The following AP2A1 variants were observed in gnomAD, a reference collection of about 807,000 sequenced individuals.
AP2A1 encodes the protein AP-2 complex subunit alpha-1.
A neutral mutation model predicts 107.3 loss-of-function variants in AP2A1; 21 were observed. That is an observed-to-expected ratio of 0.20 (90% CI 0.14 to 0.28). The LOEUF is 0.28. AP2A1 is among the 10% of genes least tolerant of loss of function. AP2A1 has a pLI of 1.00. For synonymous variants in AP2A1, 602 were observed against 564.8 expected (o/e 1.07, Z -0.93); for missense variants, 873 against 1,307.7 (o/e 0.67, Z 5.13).
chr19:49,794,648 GA>G lies in AP2A1; in HGVS notation c.706-975del, dbSNP rs1398291226. ...AGGTTGAATAGGAGTTTGCAATGAG[GA>G]AAAAAAGTCACATGATCTTTCTTTT... is the stretch of plus-strand genomic sequence containing the variant. On this transcript the variant is annotated intron_variant, in intron 6 of 22. Transcript: ENST00000354293. Among the ~76,000 whole-genome samples the G allele has an allele frequency of 9.9e-5, 15 of 151,850 alleles. No homozygotes were observed. In the South Asian group the frequency reaches 1.5e-3, roughly 15 times the overall value.
intron 1 of AP2A1, among the ~76,000 whole-genome samples, chr19:49,772,070 T>A (rs2084564511): frequency 6.6e-6 from 1 of 151,768 alleles, no homozygotes; most frequent in Admixed American, 6.6e-5. Context: ...TCTCTCTTTC[T>A]TTTTTTTGAC....
At chr19:49,803,598 A>T in intron 18 of AP2A1, 9 of 565,640 alleles carry the variant, frequency 1.6e-5, no homozygotes, top group Admixed American at 9.1e-5. Context: ...TACTTCCAGA[A>T]CTCCACCTGC....
chr19:49,802,591 A>T, intron 15 of AP2A1: 1 of 1,594,966 alleles, frequency 6.3e-7, no homozygotes, highest in Non-Finnish European at 8.5e-7. Flanking sequence ...ACCCAGCTCC[A>T]GCTGCTGAGT....
rs908826525 is a variant in AP2A1, at chr19:49,797,791, A to G, written c.815-1011A>G. 5.3e-5 allele frequency among the ~76,000 whole-genome samples: 8 copies of G among 152,296 alleles called. No homozygotes were observed. The South Asian group carries it at 6.2e-4, about 12-fold the overall frequency. The stretch of plus-strand genomic sequence containing the variant: ...AGTACAATCTAGGATCACATATTCA[A>G]TCGGATTCTGCCAGGCTCAGTGGCT... On this transcript the variant is annotated intron_variant, in intron 7 of 22. Coordinates refer to ENST00000354293, the MANE Select transcript of AP2A1 (RefSeq NM_130787.3).
At chr19:49,775,011 C>T (rs1041743272) in intron 1 of AP2A1, among the ~76,000 whole-genome samples, 11 of 151,984 alleles carry the variant, frequency 7.2e-5, no homozygotes, top group African/African-American at 2.2e-4. Context: ...TTTGGTTGAG[C>T]CCAGGAGTTT....
Position 49,806,681 on chromosome 19 carries a change from A to C in AP2A1, c.2791A>C (p.Met931Leu). 6.2e-7 allele frequency: 1 copy of C among 1,612,444 alleles called. No individual in the cohort carries two copies. Among genetic ancestry groups the C allele is most frequent in the Non-Finnish European group, 8.5e-7 (1 of 1,179,700 alleles). Residue 931 changes from methionine to leucine, a missense_variant and splice_region_variant, in exon 23 of 23, where the codon ATG (methionine) becomes CTG (leucine). Met to Leu is a conservative substitution (Grantham distance 15, BLOSUM62 2). Transcript: ENST00000354293. ...TTCTGCCCCCAATGCCCCCACCCAG[A>C]TGTACCGGCTGACCCTGCGCACCAG... ...LRLEPNAQAQ[M>L]YRLTLRTSKE... is the part of the protein sequence containing the mutation.
intron 1 of AP2A1, among the ~76,000 whole-genome samples, chr19:49,773,676 G>A (rs1193881328): frequency 1.3e-5 from 2 of 152,164 alleles, no homozygotes; most frequent in East Asian, 3.9e-4. Flanking sequence ...GGGAGTAGGT[G>A]TTGATGGAAA....
chr19:49,805,576 G>A lies in AP2A1; in HGVS notation c.2468G>A (p.Arg823Gln). 1 of 1,573,828 alleles carries A rather than the reference G, an allele frequency of 6.4e-7. No homozygotes were observed. The highest frequency in any genetic ancestry group is 1.2e-5 in the South Asian group (1 of 86,180). The change falls in exon 19 of 23, where the codon CGG becomes CAG. Residue 823 changes from arginine (R) to glutamine (Q), a missense_variant and splice_region_variant. Arg to Gln is a conservative substitution (Grantham distance 43). Transcript: ENST00000354293. ...CCCCCGCTGCTGTCCGTGCGCTTCC[G>A]GTGAGTCAGGTACGGCGCGGCCGGT... Reference protein sequence around the residue: ...LTPPLLSVRFRYGGAPQALTL... With the variant: ...LTPPLLSVRFQYGGAPQALTL...
At chr19:49,781,888 G>T (rs1011280148) in intron 2 of AP2A1, 59 bp from the exon 3 acceptor site, 2 of 1,604,348 alleles carry the variant, frequency 1.2e-6, no homozygotes, top group East Asian at 2.3e-5. Context: ...GGGCTCCTGT[G>T]ACCTATCCTG....
In AP2A1 at chr19:49,799,488, C is replaced by A; in HGVS notation, c.1127C>A (p.Ala376Asp). 1 of 1,611,250 alleles carries A rather than the reference C, an allele frequency of 6.2e-7. No homozygotes were observed. The highest frequency in any genetic ancestry group is 8.5e-7 in the Non-Finnish European group (1 of 1,179,530). The change falls in exon 9 of 23, where the codon GCC becomes GAC. Residue 376 changes from alanine to aspartate, a missense_variant. By Grantham distance (126) the Ala-to-Asp change is moderately radical. Transcript: ENST00000354293. ...VKTHIDTVIN[A>D]LKTERDVSVR... The stretch of plus-strand genomic sequence containing the variant: ...ACGCACATTGACACCGTCATCAATG[C>A]CCTCAAGGTGTGAGCCCTTGGAGCC...
intron 1 of AP2A1, among the ~76,000 whole-genome samples, chr19:49,774,517 CA>C (rs1188465377): frequency 6.6e-6 from 1 of 151,908 alleles, no homozygotes; most frequent in Admixed American, 6.6e-5. Flanking sequence ...AACCCAGCAC[CA>C]AAATGCAAGC....
chr19:49,796,843 A>G (rs2073219974), intron 7 of AP2A1: 1 of 151,276 alleles, frequency 6.6e-6, no homozygotes, highest in Non-Finnish European at 1.5e-5. Context: ...ACCTGTGTGC[A>G]TGCCTGTGTG....
intron 22 of AP2A1, 133 bp downstream of exon 22, chr19:49,806,386 C>T: frequency 4.9e-6 from 7 of 1,439,024 alleles, no homozygotes; most frequent in Non-Finnish European, 6.4e-6. Flanking sequence ...TCTTTGTCCA[C>T]TTTTACTCCT....
At chr19:49,789,870 C>G (rs2073120777) in intron 4 of AP2A1, among the ~76,000 whole-genome samples, 1 of 152,194 alleles carries the variant, frequency 6.6e-6, no homozygotes, top group Non-Finnish European at 1.5e-5. Context: ...GTGTCTGACC[C>G]CAGAAGGTGC....
chr19:49,799,609 G>A lies in AP2A1; in HGVS notation c.1135-20G>A. The stretch of plus-strand genomic sequence containing the variant: ...AACAGGGAGTCTAAAACACACCTGG[G>A]CTCTGCTCTCCGCCCTCAGACGGAG... On this transcript the variant is annotated intron_variant, in intron 9 of 22. Coordinates refer to ENST00000354293, the MANE Select transcript of AP2A1 (RefSeq NM_130787.3). 1 of 1,605,988 alleles carries A rather than the reference G, an allele frequency of 6.2e-7. No homozygotes were observed. Among genetic ancestry groups the A allele is most frequent in the Non-Finnish European group, 8.5e-7 (1 of 1,178,990 alleles).
chr19:49,784,172 A>T (rs1465918002), intron 4 of AP2A1, among the ~76,000 whole-genome samples: 1 of 152,262 alleles, frequency 6.6e-6, no homozygotes, highest in African/African-American at 2.4e-5. Context: ...CACGCCTGTA[A>T]TCCCAGCACT....
rs764726365 is a variant in AP2A1, at chr19:49,799,603, A to G, written c.1135-26A>G. ...TGTGCCAACAGGGAGTCTAAAACAC[A>G]CCTGGGCTCTGCTCTCCGCCCTCAG... On this transcript the variant is annotated intron_variant, in intron 9 of 22. Coordinates refer to ENST00000354293, the MANE Select transcript of AP2A1 (RefSeq NM_130787.3). The G allele has an allele frequency of 1.9e-5, 30 of 1,604,784 alleles. No individual in the cohort carries two copies. In the South Asian group the frequency reaches 2.6e-4, roughly 14 times the overall value.
intron 16 of AP2A1, 26 bp downstream of exon 16, chr19:49,803,031 G>T: frequency 6.2e-7 from 1 of 1,613,772 alleles, no homozygotes; most frequent in Non-Finnish European, 8.5e-7. Context: ...GGTGGGGGAG[G>T]GGAACGGGAC....
At position 49,801,851 on chromosome 19, in the gene AP2A1, G is replaced by A. The variant is rs780711341; in HGVS notation, c.1915G>A (p.Asp639Asn). The change falls in exon 14 of 23, where the codon GAC becomes AAC. Residue 639 changes from aspartate to asparagine, a missense_variant. Coordinates refer to ENST00000354293, the MANE Select transcript of AP2A1 (RefSeq NM_130787.3). ...DDGRRDPSSNDINGGMEPTPS... is the reference protein window; with the variant it reads ...DDGRRDPSSNNINGGMEPTPS... The stretch of plus-strand genomic sequence containing the variant: ...TGGCCGGAGGGACCCCAGCAGCAAC[G>A]ACATCAACGGGGGCATGGAGCCCAC... The A allele has an allele frequency of 2.3e-5, 34 of 1,508,118 alleles. No homozygotes were observed. Among genetic ancestry groups the A allele is most frequent in the Non-Finnish European group, 2.8e-5 (32 of 1,131,388 alleles). The allele number at this position is 1,508,118 out of a possible 1,614,324, so 93.4% of individuals were successfully genotyped here.
Sources: gnomAD v4.1 joint callset for allele counts (sites outside exome capture counted in the v4.1 genomes callset) on GRCh38, gnomAD v4.1.1 for gene constraint, MANE v1.5 for transcripts, NCBI Gene and HGNC (gene_info 2026-07-23, HGNC 2026-07-21) for gene names.